The following FBXL7 variants were observed in gnomAD, a reference collection of about 807,000 sequenced individuals.
The protein encoded by FBXL7 is F-box and leucine rich repeat protein 7, also known as F-box/LRR-repeat protein 7.
In FBXL7, 12 loss-of-function variants were observed where a neutral mutation model predicts 38.3. The ratio of observed to expected loss-of-function variants is 0.31; its 90% CI spans 0.20 to 0.51. The LOEUF (loss-of-function observed/expected upper bound fraction) is 0.51. Among genes scored for constraint, FBXL7 ranks in the 20% least tolerant of loss-of-function variants. FBXL7 has a pLI of 0.98. For missense variants in FBXL7, 567 were observed against 676.4 expected, an observed-to-expected ratio of 0.84 and a Z score of 1.79; for synonymous variants, 297 against 300.9, an observed-to-expected ratio of 0.99 and a Z score of 0.13.
intron 1 of FBXL7, among the ~76,000 whole-genome samples, chr5:15,553,316 C>G (rs893103977): frequency 3.9e-5 from 6 of 152,266 alleles, no homozygotes; most frequent in Middle Eastern, 3.4e-3. Context: ...TGCTTTTTCT[C>G]TTCCCTCTTT....
At chr5:15,818,152 C>T (rs184192863) in intron 2 of FBXL7, among the ~76,000 whole-genome samples, 21 of 151,728 alleles carry the variant, frequency 1.4e-4, no homozygotes, top group African/African-American at 3.1e-4. Flanking sequence ...GTGGTGTGTG[C>T]GTGTTATTTG....
At chr5:15,918,995 A>G (rs1229706900) in intron 2 of FBXL7, among the ~76,000 whole-genome samples, 1 of 152,236 alleles carries the variant, frequency 6.6e-6, no homozygotes, top group Non-Finnish European at 1.5e-5. Flanking sequence ...TTTTTAAGTA[A>G]AACAAGAAGA....
chr5:15,596,250 C>T (rs1314333301), intron 1 of FBXL7, among the ~76,000 whole-genome samples: 1 of 152,136 alleles, frequency 6.6e-6, no homozygotes, highest in African/African-American at 2.4e-5. Context: ...TTTTAAAGTA[C>T]ATTCTGTCTT....
intron 1 of FBXL7, chr5:15,602,145 T>G (rs547737611): frequency 6.6e-6 from 1 of 152,262 alleles, no homozygotes; most frequent in East Asian, 1.9e-4. Context: ...GCAGGGAGCA[T>G]GGCCCTGATG....
intron 1 of FBXL7, among the ~76,000 whole-genome samples, chr5:15,547,164 G>A (rs1033038803): frequency 6.6e-6 from 1 of 152,158 alleles, no homozygotes; most frequent in African/African-American, 2.4e-5. Flanking sequence ...GACCTATAGT[G>A]CTCCTGGTTT....
chr5:15,509,633 T>C (rs1038998823), intron 1 of FBXL7, among the ~76,000 whole-genome samples: 2 of 152,080 alleles, frequency 1.3e-5, no homozygotes, highest in African/African-American at 4.8e-5. Context: ...AAAAAGTGAG[T>C]AGCTGGGAGG....
At chr5:15,815,908 TA>T (rs1490196972) in intron 2 of FBXL7, among the ~76,000 whole-genome samples, 2 of 152,170 alleles carry the variant, frequency 1.3e-5, no homozygotes, top group Non-Finnish European at 2.9e-5. Context: ...AAAATATGTT[TA>T]TATGTGAAAC....
intron 2 of FBXL7, among the ~76,000 whole-genome samples, chr5:15,744,815 A>G (rs1321901453): frequency 6.6e-6 from 1 of 152,152 alleles, no homozygotes; most frequent in African/African-American, 2.4e-5. Flanking sequence ...ACTTACAATC[A>G]TGTCAGAAAG....
At position 15,736,587 on chromosome 5, in the gene FBXL7, C is replaced by G. The variant is rs1291456663; in HGVS notation, c.127+120515C>G. The stretch of plus-strand genomic sequence containing the variant: ...ATTTCTAAGTGCAAAAGTATTAAAG[C>G]ACTGGGCTTGTTGTTGCTACTTCAT... On this transcript the variant is annotated intron_variant, in intron 2 of 3. Coordinates refer to ENST00000504595, the MANE Select transcript of FBXL7 (RefSeq NM_012304.5). 2.0e-5 allele frequency among the ~76,000 whole-genome samples: 3 copies of G among 152,286 alleles called. No homozygotes were observed. The South Asian group carries it at 6.2e-4, about 32-fold the overall frequency.
At chr5:15,609,137 A>G (rs1445293632) in intron 1 of FBXL7, among the ~76,000 whole-genome samples, 3 of 152,162 alleles carry the variant, frequency 2.0e-5, no homozygotes, top group Non-Finnish European at 2.9e-5. Flanking sequence ...CTGATGGGTG[A>G]TATAACAGTG....
At chr5:15,920,329 TG>T (rs1168161869) in intron 2 of FBXL7, among the ~76,000 whole-genome samples, 1 of 152,192 alleles carries the variant, frequency 6.6e-6, no homozygotes. Context: ...ACTGGGCACT[TG>T]GGCAGCAGTA....
chr5:15,541,227 CCCAT>C (rs1442042442), intron 1 of FBXL7, among the ~76,000 whole-genome samples: 3 of 151,480 alleles, frequency 2.0e-5, no homozygotes, highest in African/African-American at 7.3e-5. Flanking sequence ...TCACAAGTAT[CCCAT>C]CCAGTACTGC....
intron 1 of FBXL7, among the ~76,000 whole-genome samples, chr5:15,590,480 C>T (rs745316276): frequency 6.6e-6 from 1 of 151,978 alleles, no homozygotes; most frequent in Non-Finnish European, 1.5e-5. Context: ...CCATGGTCTG[C>T]AAGACTTCAA....
intron 2 of FBXL7, among the ~76,000 whole-genome samples, chr5:15,702,161 C>G (rs537426726): frequency 4.0e-5 from 6 of 151,844 alleles, no homozygotes; most frequent in African/African-American, 9.7e-5. Flanking sequence ...TCGCTTGAAC[C>G]CAGGAGGCGG....
intron 2 of FBXL7, among the ~76,000 whole-genome samples, chr5:15,631,560 G>GGGACA: frequency 6.6e-6 from 1 of 150,830 alleles, no homozygotes; most frequent in African/African-American, 2.4e-5. Flanking sequence ...AGCCAGGCAT[G>GGGACA]GGACAGGAGG....
intron 2 of FBXL7, among the ~76,000 whole-genome samples, chr5:15,664,971 T>C (rs1742222344): frequency 6.6e-6 from 1 of 152,168 alleles, no homozygotes; most frequent in African/African-American, 2.4e-5. Flanking sequence ...TTTTTTGTTT[T>C]TCTTTAATAC....
intron 2 of FBXL7, among the ~76,000 whole-genome samples, chr5:15,815,279 C>A (rs1381055555): frequency 1.3e-5 from 2 of 152,094 alleles, no homozygotes; most frequent in Non-Finnish European, 2.9e-5. Context: ...TTCTTGGAGG[C>A]AAGGAAACAC....
At chr5:15,580,547 A>C (rs1315308195) in intron 1 of FBXL7, 1 of 868,758 alleles carries the variant, frequency 1.2e-6, no homozygotes, top group Non-Finnish European at 1.4e-6. Flanking sequence ...GGATAAGCAA[A>C]CCAAGAAGCC....
chr5:15,813,763 T>C (rs550145527), intron 2 of FBXL7, among the ~76,000 whole-genome samples: 4,233 of 151,696 alleles, frequency 0.028, 211 homozygotes, highest in African/African-American at 0.097. Flanking sequence ...AATAAGTGGG[T>C]GAAGGATATG....
Sources: gnomAD v4.1 joint callset for allele counts (sites outside exome capture counted in the v4.1 genomes callset) on GRCh38, gnomAD v4.1.1 for gene constraint, MANE v1.5 for transcripts, NCBI Gene and HGNC (gene_info 2026-07-23, HGNC 2026-07-21) for gene names.